REV1: variants seen among roughly 807,000 people sequenced by gnomAD.
REV1 encodes the protein REV1 DNA directed polymerase.
In REV1, 42 loss-of-function variants were observed where a neutral mutation model predicts 137.4. The observed-to-expected ratio is 0.31, with a 90% confidence interval of 0.24 to 0.40. REV1 has a LOEUF of 0.40. REV1 is among the 10% of genes least tolerant of loss of function. The pLI, the probability that REV1 is intolerant of heterozygous loss-of-function variation, is 1.00. For synonymous variants in REV1, 524 were observed against 519.2 expected, an observed-to-expected ratio of 1.01 and a Z score of -0.12; for missense variants, 1,282 against 1,490.1, an observed-to-expected ratio of 0.86 and a Z score of 2.30.
intron 9 of REV1, chr2:99,424,988 T>C: frequency 1.1e-6 from 1 of 911,478 alleles, no homozygotes; most frequent in Non-Finnish European, 1.5e-6. Flanking sequence ...AAACTATAAT[T>C]ATGGAATTAT....
intron 1 of REV1, among the ~76,000 whole-genome samples, chr2:99,479,585 C>A (rs892692082): frequency 1.3e-5 from 2 of 151,590 alleles, no homozygotes; most frequent in Non-Finnish European, 2.9e-5. Context: ...AGATCTCTTG[C>A]GTGAGACCAG....
At chr2:99,473,375 AAAAAG>A (rs1266092384) in intron 1 of REV1, among the ~76,000 whole-genome samples, 20 of 151,614 alleles carry the variant, frequency 1.3e-4, no homozygotes, top group South Asian at 8.3e-4. Flanking sequence ...CAAAAAAAAA[AAAAAG>A]AAAAGAAAAG....
At chr2:99,474,048 C>T (rs938240735) in intron 1 of REV1, among the ~76,000 whole-genome samples, 3 of 152,176 alleles carry the variant, frequency 2.0e-5, no homozygotes, top group Admixed American at 2.0e-4. Flanking sequence ...GAAAGAATTA[C>T]CCAAATTCCT....
chr2:99,401,337 C>T lies in REV1; in HGVS notation c.3660G>A (p.Ser1220=), dbSNP rs142886583. The change falls in exon 23 of 23, where the codon TCG becomes TCA. Residue 1220 remains serine, a synonymous_variant. Transcript: ENST00000258428. The part of the protein sequence containing the change: ...IKYMKRLMQQ[S]VESVWNMAFD... ...ATGCCATATTCCAAACCGATTCCAC[C>T]GATTGCTGCATCAGCCTAAAGGTGG... 61 of 1,612,528 alleles carry T rather than the reference C, an allele frequency of 3.8e-5. 1 individual carries two copies. In the South Asian group the frequency reaches 5.7e-4, roughly 15 times the overall value.
intron 1 of REV1, among the ~76,000 whole-genome samples, chr2:99,476,089 T>C (rs1003463295): frequency 6.6e-6 from 1 of 152,248 alleles, no homozygotes. Context: ...ACGTAACTTT[T>C]TCTATGCTTG....
In REV1 at chr2:99,438,971, T is replaced by C; in HGVS notation, c.843A>G (p.Gln281=). ...FRDCTLQQLQ[Q]STRNTDALRN... ...GCAAAGCATCTGTGTTTCTGGTGCT[T>C]TGCTGCAACTGCTGCAGAGTGCAGT... The change falls in exon 6 of 23, where the codon CAA becomes CAG. Residue 281 remains glutamine, a synonymous_variant. Transcript: ENST00000258428. 2 of 1,614,236 alleles carry C rather than the reference T, an allele frequency of 1.2e-6. No individual in the cohort carries two copies. Among genetic ancestry groups the C allele is most frequent in the Non-Finnish European group, 8.5e-7 (1 of 1,180,046 alleles).
intron 17 of REV1, chr2:99,405,292 CT>C (rs1676120397): frequency 6.5e-6 from 1 of 152,926 alleles, no homozygotes; most frequent in Non-Finnish European, 1.5e-5. Flanking sequence ...CCAATCTTAT[CT>C]TGCCAGGAGT....
chr2:99,443,138 T>A (rs1681728164), intron 4 of REV1, among the ~76,000 whole-genome samples: 1 of 152,252 alleles, frequency 6.6e-6, no homozygotes, highest in Admixed American at 6.5e-5. Context: ...TTCTTGCTAA[T>A]AAACTGAGTT....
intron 4 of REV1, among the ~76,000 whole-genome samples, chr2:99,445,872 C>T (rs1454148374): frequency 6.6e-6 from 1 of 152,104 alleles, no homozygotes. Flanking sequence ...TAAAGCAACA[C>T]CCCACATACT....
intron 1 of REV1, among the ~76,000 whole-genome samples, chr2:99,466,394 C>T (rs1174591111): frequency 1.3e-5 from 2 of 152,104 alleles, no homozygotes; most frequent in African/African-American, 2.4e-5. Flanking sequence ...AGGCACCTGC[C>T]ACCATGCCTG....
rs781428956 is a variant in REV1 at position 99,438,993 on chromosome 2, C to T, written c.821G>A (p.Cys274Tyr). Residue 274 changes from cysteine (C) to tyrosine (Y), a missense_variant, in exon 6 of 23, where the codon TGC becomes TAC. Cys to Tyr is a radical substitution (Grantham distance 194). Transcript: ENST00000258428. ...GCTTTGCTGCAACTGCTGCAGAGTG[C>T]AGTCTCTGAAATCAGTGCTGCTCTT... is the stretch of plus-strand genomic sequence containing the variant. ...AEKSSTDFRD[C>Y]TLQQLQQSTR... 1 of 1,614,060 alleles carries T rather than the reference C, an allele frequency of 6.2e-7. No individual in the cohort carries two copies. The highest frequency in any genetic ancestry group is 1.7e-5 in the Admixed American group (1 of 60,004).
At chr2:99,437,858 A>G (rs1053130699) in intron 6 of REV1, among the ~76,000 whole-genome samples, 1 of 152,184 alleles carries the variant, frequency 6.6e-6, no homozygotes, top group Non-Finnish European at 1.5e-5. Context: ...TCAGTAAAAC[A>G]TAACAGAAAA....
At chr2:99,413,229 T>G (rs1677425337) in intron 12 of REV1, among the ~76,000 whole-genome samples, 1 of 152,224 alleles carries the variant, frequency 6.6e-6, no homozygotes, top group Non-Finnish European at 1.5e-5. Flanking sequence ...AAATGTCACT[T>G]TCTTTATTAG....
chr2:99,487,120 G>T (rs976372479), intron 1 of REV1, among the ~76,000 whole-genome samples: 4 of 152,302 alleles, frequency 2.6e-5, no homozygotes, highest in Admixed American at 2.6e-4. Flanking sequence ...TAAAAGAATA[G>T]TAAGTATAAC....
rs28382909 is a variant in REV1, at chr2:99,429,521, A to G, written c.1547+319T>C. ...CAAAAGATTAGAGGGAATAAATATT[A>G]AAGTCCTCTTCCATTAAAAAAAAAT... On this transcript the variant is annotated intron_variant, in intron 9 of 22. Transcript: ENST00000258428. 3.9e-4 allele frequency among the ~76,000 whole-genome samples: 60 copies of G among 152,342 alleles called. No individual in the cohort carries two copies. In the East Asian group the frequency reaches 0.011, roughly 28 times the overall value.
rs564642463 is a variant in REV1, at chr2:99,411,220, G to A, written c.2173-353C>T. On this transcript the variant is annotated intron_variant, in intron 13 of 22. Transcript: ENST00000258428. ...GGAGAATCGCTTGAACCCAGGAGAC[G>A]GAGGTTGCAGTGAGCTGAGATCATG... Among the ~76,000 whole-genome samples, 23 of 152,056 alleles carry A rather than the reference G, an allele frequency of 1.5e-4. 1 individual carries two copies. Among genetic ancestry groups the A allele is most frequent in the Middle Eastern group, 6.8e-3 (2 of 294 alleles).
intron 11 of REV1, among the ~76,000 whole-genome samples, chr2:99,419,776 G>T (rs1575033808): frequency 1.3e-5 from 2 of 152,250 alleles, no homozygotes; most frequent in Non-Finnish European, 2.9e-5. Context: ...ACCAAGCCCT[G>T]AGAAGGGGCA....
rs765956055 is a variant in REV1, at chr2:99,410,768, T to C, written c.2272A>G (p.Met758Val). 6 of 1,612,122 alleles carry C rather than the reference T, an allele frequency of 3.7e-6. No individual in the cohort carries two copies. Among genetic ancestry groups the C allele is most frequent in the Admixed American group, 3.4e-5 (2 of 59,526 alleles). ...ACAGGAGCCCCAGGCTTTCGTACCATGATTTTGAGAGTTAGACGTTTACCC... is the reference window on the plus strand; with the variant it reads ...ACAGGAGCCCCAGGCTTTCGTACCACGATTTTGAGAGTTAGACGTTTACCC... ...MKGKRLTLKI[M>V]VRKPGAPVET... Residue 758 changes from methionine (M) to valine (V), a missense_variant, in exon 14 of 23, where the codon ATG becomes GTG. Transcript: ENST00000258428.
At chr2:99,463,664 G>A (rs183228361) in intron 2 of REV1, among the ~76,000 whole-genome samples, 3 of 152,090 alleles carry the variant, frequency 2.0e-5, no homozygotes, top group Admixed American at 6.6e-5. Context: ...TGCTGTTGTC[G>A]CCCAGGCTGG....
Sources: allele counts gnomAD v4.1 joint callset (sites outside exome capture counted in the v4.1 genomes callset), GRCh38; gene constraint gnomAD v4.1.1; transcripts MANE v1.5; gene names NCBI Gene and HGNC (gene_info 2026-07-23, HGNC 2026-07-21).